Variants in PACC1 observed in about 807,000 individuals in gnomAD.
The protein encoded by PACC1 is proton-activated chloride channel.
A neutral mutation model predicts 39.7 loss-of-function variants in PACC1; 34 were observed. That is an observed-to-expected ratio of 0.86 (90% confidence interval 0.65 to 1.14). PACC1 has a LOEUF of 1.14. Ranked by LOEUF, PACC1 falls within the 50% of genes most tolerant of loss-of-function variation. The pLI is 0.00. For missense variants in PACC1, 379 were observed against 436.4 expected, an observed-to-expected ratio of 0.87 and a Z score of 1.17; for synonymous variants, 127 against 160.6, an observed-to-expected ratio of 0.79 and a Z score of 1.58.
chr1:212,384,868 A>C (rs1241897516), intron 4 of PACC1, among the ~76,000 whole-genome samples: 1 of 152,222 alleles, frequency 6.6e-6, no homozygotes, highest in Non-Finnish European at 1.5e-5. Flanking sequence ...GCCCCACCTA[A>C]GGAATTATAA....
chr1:212,403,715 C>A (rs752497565), intron 2 of PACC1, among the ~76,000 whole-genome samples: 5 of 152,084 alleles, frequency 3.3e-5, no homozygotes, highest in Non-Finnish European at 7.4e-5. Context: ...CAGATGCATG[C>A]CATCATGCCC....
At chr1:212,378,213 C>T (rs187519111) in intron 5 of PACC1, among the ~76,000 whole-genome samples, 54 of 152,300 alleles carry the variant, frequency 3.5e-4, no homozygotes, top group Non-Finnish European at 4.0e-4. Context: ...AGCCCCAAGA[C>T]GGTGCAGATG....
In PACC1 at chr1:212,364,701, A is replaced by G. The variant is rs766219850; in HGVS notation, c.*514T>C. The G allele has an allele frequency of 1.3e-5, 2 of 152,690 alleles. No homozygotes were observed. Among genetic ancestry groups the G allele is most frequent in the African/African-American group, 2.4e-5 (1 of 41,468 alleles). 9.5% of individuals were successfully genotyped at this position (152,690 alleles called of 1,614,324 possible). A position where few individuals can be genotyped will look rare whatever the true frequency, so the allele number is the denominator to read the frequency against. On this transcript the variant is annotated 3_prime_UTR_variant, in exon 8 of 8. Coordinates refer to ENST00000261455, the MANE Select transcript of PACC1 (RefSeq NM_018252.3). Reference sequence around the variant, plus strand: ...TTTAACATTTAACAAATCAAAGAGCATGTCAGAGGCTGGACATCAATGGCA... The same window carrying G: ...TTTAACATTTAACAAATCAAAGAGCGTGTCAGAGGCTGGACATCAATGGCA...
chr1:212,369,396 A>G (rs997614307), intron 7 of PACC1, among the ~76,000 whole-genome samples: 1 of 152,238 alleles, frequency 6.6e-6, no homozygotes, highest in Non-Finnish European at 1.5e-5. Context: ...CCAAATTCTT[A>G]AGACACAGTT....
intron 2 of PACC1, among the ~76,000 whole-genome samples, chr1:212,391,035 A>G (rs1661300324): frequency 6.6e-6 from 1 of 152,232 alleles, no homozygotes; most frequent in African/African-American, 2.4e-5. Context: ...GCCGAACAAA[A>G]GGCAGCAGAA....
chr1:212,411,286 T>G (rs1662118902), intron 1 of PACC1, among the ~76,000 whole-genome samples: 1 of 152,180 alleles, frequency 6.6e-6, no homozygotes, highest in South Asian at 2.1e-4. Flanking sequence ...GCTTAGAGTC[T>G]GCTGAGAGAA....
At chr1:212,405,714 G>A (rs535809113) in intron 2 of PACC1, among the ~76,000 whole-genome samples, 3 of 152,260 alleles carry the variant, frequency 2.0e-5, no homozygotes, top group South Asian at 2.1e-4. Flanking sequence ...CTCTGGGTAT[G>A]GATTTGAGCC....
rs1661784042 is a variant in PACC1 at position 212,403,358 on chromosome 1, CCT to C, written c.133+7065_133+7066del. On this transcript the variant is annotated intron_variant, in intron 2 of 7. Coordinates refer to ENST00000261455, the MANE Select transcript of PACC1 (RefSeq NM_018252.3). ...TTCAACTCCTTTTCCAGCCCCAGCTCCTCTTTTGGCCCCCAAACAGGGATGTT... is the reference window on the plus strand; with the variant it reads ...TTCAACTCCTTTTCCAGCCCCAGCTCCTTTTGGCCCCCAAACAGGGATGTT... 2.6e-5 allele frequency among the ~76,000 whole-genome samples: 4 copies of C among 152,316 alleles called. 1 individual carries two copies. The South Asian group carries it at 8.3e-4, about 32-fold the overall frequency.
rs567104590 is a variant in PACC1 at position 212,390,516 on chromosome 1, G to A, written c.134-3416C>T. ...CCAGTCTACAGCTCCCAGCGAGAGA[G>A]ATGCAGAAGATGGGTGATTTCTGCA... On this transcript the variant is annotated intron_variant, in intron 2 of 7. Transcript: ENST00000261455. Among the ~76,000 whole-genome samples the A allele has an allele frequency of 2.0e-5, 3 of 152,052 alleles. No individual in the cohort carries two copies. In the East Asian group the frequency reaches 5.8e-4, roughly 29 times the overall value.
intron 6 of PACC1, among the ~76,000 whole-genome samples, chr1:212,375,642 T>G (rs1011512916): frequency 6.6e-6 from 1 of 152,200 alleles, no homozygotes; most frequent in African/African-American, 2.4e-5. Flanking sequence ...CCCAACACTT[T>G]GTGAGGCCTA....
intron 2 of PACC1, among the ~76,000 whole-genome samples, chr1:212,403,802 T>A (rs954159108): frequency 4.6e-5 from 7 of 152,106 alleles, no homozygotes; most frequent in African/African-American, 1.7e-4. Flanking sequence ...TGGCCTCAAG[T>A]GACTCACCCG....
chr1:212,376,014 G>C (rs1774248), intron 6 of PACC1, among the ~76,000 whole-genome samples: 126,512 of 152,094 alleles, frequency 0.83, 53,043 homozygotes, highest in African/African-American at 0.94. Context: ...AATTTTCAAC[G>C]CTTGTTTCAA....
chr1:212,385,411 G>T lies in PACC1; in HGVS notation c.358C>A (p.Pro120Thr). 6.2e-7 allele frequency: 1 copy of T among 1,614,026 alleles called. No homozygotes were observed. The highest frequency in any genetic ancestry group is 8.5e-7 in the Non-Finnish European group (1 of 1,179,968). The part of the protein sequence containing the change: ...RYDAPGIALY[P>T]GQAQLLSCKH... Reference sequence around the variant, plus strand: ...CAGCTGAGCAACTGGGCCTGACCGGGGTACAAGGCAATACCTGGGGGCACA... The same window carrying T: ...CAGCTGAGCAACTGGGCCTGACCGGTGTACAAGGCAATACCTGGGGGCACA... The change falls in exon 4 of 8, where the codon CCC becomes ACC. Residue 120 changes from proline (P) to threonine (T), a missense_variant. Physicochemically the swap from Pro to Thr is conservative, Grantham distance 38. Coordinates refer to ENST00000261455, the MANE Select transcript of PACC1 (RefSeq NM_018252.3).
chr1:212,375,884 C>A (rs1660647267), intron 6 of PACC1, among the ~76,000 whole-genome samples: 1 of 151,154 alleles, frequency 6.6e-6, no homozygotes, highest in Non-Finnish European at 1.5e-5. Flanking sequence ...GACTCTGTCT[C>A]CAAAAAAAAT....
intron 2 of PACC1, among the ~76,000 whole-genome samples, chr1:212,389,936 T>TA (rs1053141577): frequency 1.3e-4 from 19 of 151,060 alleles, no homozygotes; most frequent in Non-Finnish European, 2.2e-4. Context: ...ATAAATGAAA[T>TA]AAAAAGTTCA....
At chr1:212,372,327 C>T (rs1329136375) in intron 7 of PACC1, among the ~76,000 whole-genome samples, 3 of 148,592 alleles carry the variant, frequency 2.0e-5, no homozygotes, top group Admixed American at 6.7e-5. Flanking sequence ...AAACAAAAAA[C>T]TCAACAAACT....
chr1:212,395,701 T>G (rs1390996266), intron 2 of PACC1, among the ~76,000 whole-genome samples: 4 of 151,854 alleles, frequency 2.6e-5, no homozygotes, highest in South Asian at 4.1e-4. Context: ...GACAAAGGGC[T>G]AATATCCAGA....
At chr1:212,384,268 T>G (rs1437655185) in intron 4 of PACC1, among the ~76,000 whole-genome samples, 1 of 152,160 alleles carries the variant, frequency 6.6e-6, no homozygotes, top group East Asian at 1.9e-4. Flanking sequence ...AGCAGGATTT[T>G]AGGAGGGGGC....
intron 2 of PACC1, among the ~76,000 whole-genome samples, chr1:212,401,580 G>A (rs1036373086): frequency 6.2e-5 from 9 of 144,952 alleles, no homozygotes; most frequent in South Asian, 2.2e-4. Flanking sequence ...GAGCCGAGAC[G>A]GCGCCACTGC....
Sources: allele counts gnomAD v4.1 joint callset (sites outside exome capture counted in the v4.1 genomes callset), GRCh38; gene constraint gnomAD v4.1.1; transcripts MANE v1.5; gene names NCBI Gene and HGNC (gene_info 2026-07-23, HGNC 2026-07-21).